Variants in TAF1 observed in about 807,000 individuals in gnomAD.
TAF1 encodes the protein transcription initiation factor TFIID subunit 1.
In TAF1, 2 loss-of-function variants were observed where a neutral mutation model predicts 138.5. The observed-to-expected ratio is 0.01, with a 90% CI of 0.01 to 0.05. The LOEUF (loss-of-function observed/expected upper bound fraction) is 0.05. Ranked by LOEUF, TAF1 falls within the 10% of genes least tolerant of loss-of-function variation. The pLI, the probability that TAF1 is intolerant of heterozygous loss-of-function variation, is 1.00. For missense variants in TAF1, 709 were observed against 1,478.0 expected (o/e 0.48, Z 8.53); for synonymous variants, 437 against 503.2 (o/e 0.87, Z 1.76).
At chrX:71,420,564 G>A in intron 28 of TAF1, 2 of 1,209,172 alleles carry the variant, frequency 1.7e-6, no homozygotes, top group South Asian at 3.5e-5. Context: ...ATACTCATCT[G>A]CTTCTCTACC....
At chrX:71,445,393 C>G (rs1406056739) in intron 32 of TAF1, among the ~76,000 whole-genome samples, 1 of 110,211 alleles carries the variant, frequency 9.1e-6, no homozygotes. Flanking sequence ...GCCTTTTACA[C>G]TTAAGTCCAT....
In TAF1 at chrX:71,439,370, C is replaced by T. The variant is rs140034873; in HGVS notation, c.4754-14800C>T. Among the ~76,000 whole-genome samples, 1,113 of 111,476 alleles carry T rather than the reference C, an allele frequency of 1.0e-2. 9 individuals are homozygous for T. The highest frequency in any genetic ancestry group is 0.034 in the African/African-American group (1,030 of 30,675). On this transcript the variant is annotated intron_variant, in intron 32 of 37. Coordinates refer to ENST00000423759, the MANE Select transcript of TAF1 (RefSeq NM_004606.5). ...CACTAAAGTTCACATTACATTTTGC[C>T]TAGTCGCCTGGTGAATGTCCCAGCC...
intron 32 of TAF1, among the ~76,000 whole-genome samples, chrX:71,437,180 C>A (rs1202786146): frequency 9.0e-6 from 1 of 111,135 alleles, no homozygotes; most frequent in Non-Finnish European, 1.9e-5. Context: ...AATTTAAAAG[C>A]TTTGCTGCCA....
At chrX:71,498,122 C>T (rs2039431392) in intron 13 of TAF1, among the ~76,000 whole-genome samples, 1 of 111,831 alleles carries the variant, frequency 8.9e-6, no homozygotes, top group South Asian at 3.7e-4. Flanking sequence ...ACCAGAGTGC[C>T]TGGACTTGAG....
At chrX:71,481,247 C>T (rs957302414) in intron 13 of TAF1, among the ~76,000 whole-genome samples, 1 of 111,804 alleles carries the variant, frequency 8.9e-6, no homozygotes, top group African/African-American at 3.2e-5. Context: ...CCATTGCACT[C>T]CAGCCTGGGC....
chrX:71,495,931 T>C (rs188787953), intron 13 of TAF1, among the ~76,000 whole-genome samples: 17 of 112,103 alleles, frequency 1.5e-4, no homozygotes, highest in African/African-American at 5.5e-4. Context: ...TTGAAAACCT[T>C]GTAAGTTTGG....
intron 1 of TAF1, among the ~76,000 whole-genome samples, chrX:71,367,232 G>A (rs1388220457): frequency 9.0e-6 from 1 of 110,579 alleles, no homozygotes; most frequent in Non-Finnish European, 1.9e-5. Flanking sequence ...ATTCAGTCTT[G>A]GCAGTAGTTA....
At chrX:71,368,250 C>T (rs1352721303) in intron 3 of TAF1, 80 bp downstream of exon 3, 3 of 984,816 alleles carry the variant, frequency 3.0e-6, no homozygotes, top group Middle Eastern at 2.6e-4. Context: ...GGTTTCTATA[C>T]CCGCTGTCTG....
downstream of TAF1, among the ~76,000 whole-genome samples, chrX:71,469,618 C>T (rs1193689872): frequency 9.2e-6 from 1 of 109,204 alleles, no homozygotes; most frequent in Admixed American, 9.8e-5. Flanking sequence ...ATCATTTGAG[C>T]CTGAGGTGTT....
At chrX:71,457,793 C>T (rs1216539497) in intron 34 of TAF1, among the ~76,000 whole-genome samples, 1 of 112,395 alleles carries the variant, frequency 8.9e-6, no homozygotes, top group Non-Finnish European at 1.9e-5. Flanking sequence ...CATTTTGCTT[C>T]GTAGCATCCT....
intron 32 of TAF1, among the ~76,000 whole-genome samples, chrX:71,451,523 C>G (rs377568712): frequency 1.0e-3 from 95 of 94,156 alleles, no homozygotes; most frequent in African/African-American, 3.6e-3. Flanking sequence ...GGGTGTTTCT[C>G]GTAGAGGGGG....
intron 35 of TAF1, 123 bp downstream of exon 35, chrX:71,458,489 A>G (rs748457492): frequency 1.3e-4 from 122 of 965,422 alleles, no homozygotes; most frequent in Admixed American, 7.0e-4. Flanking sequence ...TGGCCCTGGG[A>G]ATGAAAGCTT....
In TAF1 at chrX:71,454,873, A is replaced by G. The variant is rs1485100894; in HGVS notation, c.4938+16A>G. The G allele has an allele frequency of 8.3e-7, 1 of 1,198,862 alleles. No individual in the cohort carries two copies. Among genetic ancestry groups the G allele is most frequent in the Non-Finnish European group, 1.1e-6 (1 of 886,133 alleles). The stretch of plus-strand genomic sequence containing the variant: ...CACGCCTCAGGTGAGTCTGAGGACT[A>G]AGTACTTCCTCATATAGTTTTCTTA... On this transcript the variant is annotated intron_variant, in intron 34 of 37. Coordinates refer to ENST00000423759, the MANE Select transcript of TAF1 (RefSeq NM_004606.5).
Position 71,459,055 on chromosome X carries a change from A to G in TAF1, c.5065-497A>G, listed in dbSNP as rs931259947. On this transcript the variant is annotated intron_variant, in intron 35 of 37. Coordinates refer to ENST00000423759, the MANE Select transcript of TAF1 (RefSeq NM_004606.5). ...CACTAGCAGTGGGATTGGCTGGGAT[A>G]TCAGGGAGGAGCATCCACCCTGGGT... The G allele has an allele frequency of 3.0e-5, 17 of 569,472 alleles. No individual in the cohort carries two copies. The South Asian group carries it at 3.3e-4, about 11-fold the overall frequency. 46.9% of individuals were successfully genotyped at this position (569,472 alleles called of 1,213,427 possible).
At chrX:71,472,066 G>A (rs1349576019) in intron 13 of TAF1, among the ~76,000 whole-genome samples, 1 of 111,754 alleles carries the variant, frequency 8.9e-6, no homozygotes, top group Non-Finnish European at 1.9e-5. Flanking sequence ...AGCGTGAAAC[G>A]GCCTTAGGTT....
intron 13 of TAF1, 70 bp from the exon 14 acceptor site, chrX:71,384,875 A>G (rs892193775): frequency 3.7e-6 from 3 of 803,224 alleles, no homozygotes; most frequent in Non-Finnish European, 5.4e-6. Context: ...GTATTAGTAA[A>G]GTGCTATGGT....
In TAF1 at chrX:71,435,977, A is replaced by G. The variant is rs187053027; in HGVS notation, c.4753+11739A>G. 5.8e-4 allele frequency among the ~76,000 whole-genome samples: 63 copies of G among 109,057 alleles called. 1 individual carries two copies. The highest frequency in any genetic ancestry group is 9.4e-3 in the Middle Eastern group (2 of 213). The allele number at this position is 109,057 out of a possible 115,157, so 94.7% of individuals were successfully genotyped here. On this transcript the variant is annotated intron_variant, in intron 32 of 37. Coordinates refer to ENST00000423759, the MANE Select transcript of TAF1 (RefSeq NM_004606.5). Reference sequence around the variant, plus strand: ...ACTTTCTTTCCCAAATGACTAGCCAAAGTGCCCAAGTCCCATTTATGGAAC... The same window carrying G: ...ACTTTCTTTCCCAAATGACTAGCCAGAGTGCCCAAGTCCCATTTATGGAAC...
intron 24 of TAF1, among the ~76,000 whole-genome samples, chrX:71,400,369 G>A (rs7056155): frequency 0.028 from 3,152 of 111,795 alleles, 120 homozygotes; most frequent in African/African-American, 0.097. Context: ...GGGATTACAC[G>A]CATGAGCCAC....
rs759599443 is a variant in TAF1, at chrX:71,450,206, C to CT, written c.4754-3950dup. Among the ~76,000 whole-genome samples, 528 of 97,177 alleles carry CT rather than the reference C, an allele frequency of 5.4e-3. 1 individual carries two copies. The highest frequency in any genetic ancestry group is 0.022 in the Middle Eastern group (4 of 182). The allele number at this position is 97,177 out of a possible 115,157, so 84.4% of individuals were successfully genotyped here. Reference sequence around the variant, plus strand: ...TGTAAGACGTTTTACCTGGAAGAGACTTTTTTTTTTTTTTGAGACAGAGTC... The same window carrying CT: ...TGTAAGACGTTTTACCTGGAAGAGACTTTTTTTTTTTTTTTGAGACAGAGTC... On this transcript the variant is annotated intron_variant, in intron 32 of 37. Transcript: ENST00000423759.
Sources: allele counts gnomAD v4.1 joint callset (sites outside exome capture counted in the v4.1 genomes callset), GRCh38; gene constraint gnomAD v4.1.1; transcripts MANE v1.5; gene names NCBI Gene and HGNC (gene_info 2026-07-23, HGNC 2026-07-21).